The following DDI2 variants were observed in gnomAD, a reference collection of about 807,000 sequenced individuals.
DDI2 encodes DDI proteasomal shuttling factor 2.
Under a neutral mutation model 48.1 loss-of-function variants are expected in DDI2, and 5 were observed. That is an observed-to-expected ratio of 0.10 (90% CI 0.05 to 0.22). The LOEUF (loss-of-function observed/expected upper bound fraction) is 0.22, where lower values mean the gene tolerates loss of function less well. Among genes scored for constraint, DDI2 ranks in the 10% least tolerant of loss-of-function variants. The probability of loss-of-function intolerance (pLI) is 1.00; values close to 1 mark genes in which losing one functional copy is unlikely to be tolerated. For missense variants in DDI2, 285 were observed against 506.2 expected (o/e 0.56, Z 4.19); for synonymous variants, 205 against 183.6 (o/e 1.12, Z -0.94).
intron 8 of DDI2, among the ~76,000 whole-genome samples, chr1:15,653,268 A>ATTTAT (rs1031307657): frequency 1.4e-5 from 2 of 141,340 alleles, no homozygotes; most frequent in East Asian, 1.9e-4. Context: ...ATTTTATTTT[A>ATTTAT]TTTATTTTAT....
Position 15,660,171 on chromosome 1 carries a change from C to T in DDI2, c.*381C>T, listed in dbSNP as rs753063594. The T allele has an allele frequency of 6.8e-6, 11 of 1,614,172 alleles. No individual in the cohort carries two copies. Among genetic ancestry groups the T allele is most frequent in the Admixed American group, 5.0e-5 (3 of 60,020 alleles). On this transcript the variant is annotated 3_prime_UTR_variant, in exon 10 of 10. Transcript: ENST00000480945. Reference sequence around the variant, plus strand: ...CAGCTATGCCTATGCAGAATTCATCCGAAGAAATAACTGTTGCAGGTAATC... The same window carrying T: ...CAGCTATGCCTATGCAGAATTCATCTGAAGAAATAACTGTTGCAGGTAATC...
chr1:15,632,784 T>A (rs1286150168), intron 3 of DDI2, among the ~76,000 whole-genome samples: 1 of 151,868 alleles, frequency 6.6e-6, no homozygotes, highest in Admixed American at 6.6e-5. Context: ...ATGAGAACAA[T>A]GAGGAATGGA....
intron 3 of DDI2, among the ~76,000 whole-genome samples, chr1:15,631,696 C>A (rs559341497): frequency 1.4e-4 from 22 of 152,298 alleles, no homozygotes; most frequent in African/African-American, 4.8e-4. Context: ...TCTAGTCAAT[C>A]TCCTCTCCTT....
intron 1 of DDI2, among the ~76,000 whole-genome samples, chr1:15,625,376 G>A (rs550350193): frequency 1.3e-5 from 2 of 152,148 alleles, no homozygotes; most frequent in South Asian, 4.1e-4. Flanking sequence ...CAAAGCCTGA[G>A]TTTGTTCTGA....
chr1:15,654,877 A>T (rs72876740), intron 8 of DDI2, among the ~76,000 whole-genome samples: 1 of 151,642 alleles, frequency 6.6e-6, no homozygotes, highest in Non-Finnish European at 1.5e-5. Context: ...GGTGTAATTT[A>T]TCATCTTAGT....
At chr1:15,619,160 G>A (rs1040672484) in intron 1 of DDI2, among the ~76,000 whole-genome samples, 5 of 151,970 alleles carry the variant, frequency 3.3e-5, no homozygotes, top group Admixed American at 2.6e-4. Flanking sequence ...TTGCTCTGTC[G>A]CCCATGCTGG....
At chr1:15,627,848 T>G (rs1012733871) in intron 2 of DDI2, among the ~76,000 whole-genome samples, 5 of 152,192 alleles carry the variant, frequency 3.3e-5, no homozygotes, top group African/African-American at 9.6e-5. Flanking sequence ...AGTGTTTCCA[T>G]TCAGCCTGAA....
chr1:15,624,636 TA>T (rs201023391), intron 1 of DDI2, among the ~76,000 whole-genome samples: 99 of 151,778 alleles, frequency 6.5e-4, no homozygotes, highest in African/African-American at 2.1e-3. Flanking sequence ...GCTGGCTATT[TA>T]AAATTTTTTT....
At position 15,667,615 on chromosome 1, in the gene DDI2, G is replaced by A. The variant is rs998439178; in HGVS notation, c.*7825G>A. The A allele has an allele frequency of 1.3e-5, 2 of 152,254 alleles. No homozygotes were observed. The highest frequency in any genetic ancestry group is 6.5e-5 in the Admixed American group (1 of 15,290). The allele number at this position is 152,254 out of a possible 1,614,324, so 9.4% of individuals were successfully genotyped here. A position where few individuals can be genotyped will look rare whatever the true frequency, so the allele number is the denominator to read the frequency against. On this transcript the variant is annotated 3_prime_UTR_variant, in exon 10 of 10. Transcript: ENST00000480945. ...GTAATCAGCGATGGCTGGGATTGGT[G>A]GACAGGATTGACAGGAGTATTTGAG...
At chr1:15,630,705 CT>C (rs1639829456) in intron 3 of DDI2, 144 bp downstream of exon 3, 2 of 650,388 alleles carry the variant, frequency 3.1e-6, no homozygotes, top group East Asian at 5.3e-5. Flanking sequence ...TAAATTAGTG[CT>C]AAAGTCAAAG....
At chr1:15,619,787 T>TGTAATATAACCCTGGATA (rs1384494404) in intron 1 of DDI2, among the ~76,000 whole-genome samples, 1 of 152,148 alleles carries the variant, frequency 6.6e-6, no homozygotes, top group Non-Finnish European at 1.5e-5. Flanking sequence ...CTCTAGCTGT[T>TGTAATATAACCCTGGATA]ATATTACCCT....
Position 15,665,427 on chromosome 1 carries a change from ATG to A in DDI2, c.*5639_*5640del, listed in dbSNP as rs1640438700. Reference sequence around the variant, plus strand: ...AACCCTATGTGTTTTTTCCCAAAGCATGTCTCTAGCAAGAGGGTACATAGAAA... The same window carrying A: ...AACCCTATGTGTTTTTTCCCAAAGCATCTCTAGCAAGAGGGTACATAGAAA... On this transcript the variant is annotated 3_prime_UTR_variant, in exon 10 of 10. Transcript: ENST00000480945. 1 of 152,190 alleles carries A rather than the reference ATG, an allele frequency of 6.6e-6. No homozygotes were observed. The highest frequency in any genetic ancestry group is 2.4e-5 in the African/African-American group (1 of 41,438). 9.4% of individuals were successfully genotyped at this position (152,190 alleles called of 1,614,324 possible).
Position 15,660,800 on chromosome 1 carries a change from A to G in DDI2, c.*1010A>G, listed in dbSNP as rs1411527841. The G allele has an allele frequency of 1.2e-6, 2 of 1,614,160 alleles. No homozygotes were observed. Among genetic ancestry groups the G allele is most frequent in the South Asian group, 1.1e-5 (1 of 91,072 alleles). The stretch of plus-strand genomic sequence containing the variant: ...GATTCCATTTCCACTCAGGATTTAC[A>G]GCCCCCAGAAACTAATGTTGAAATA... On this transcript the variant is annotated 3_prime_UTR_variant, in exon 10 of 10. Transcript: ENST00000480945.
At chr1:15,653,473 A>G (rs573246050) in intron 8 of DDI2, among the ~76,000 whole-genome samples, 2 of 152,074 alleles carry the variant, frequency 1.3e-5, no homozygotes, top group South Asian at 2.1e-4. Flanking sequence ...TATCATTGCT[A>G]CTGTGTGTGA....
In DDI2 at chr1:15,660,734, T is replaced by G; in HGVS notation, c.*944T>G. On this transcript the variant is annotated 3_prime_UTR_variant, in exon 10 of 10. Transcript: ENST00000480945. ...ACTTTAGATAATCCCTTGATGGAAG[T>G]AGAAACATCAAAATGTAACCCTTCA... 1 of 1,613,882 alleles carries G rather than the reference T, an allele frequency of 6.2e-7. No individual in the cohort carries two copies. The highest frequency in any genetic ancestry group is 8.5e-7 in the Non-Finnish European group (1 of 1,179,962).
chr1:15,632,550 CA>C (rs1639861576), intron 3 of DDI2, among the ~76,000 whole-genome samples: 4 of 152,036 alleles, frequency 2.6e-5, no homozygotes, highest in African/African-American at 9.7e-5. Flanking sequence ...AAAGAAATTG[CA>C]AAATAGGTTC....
chr1:15,619,206 A>C (rs1052950371), intron 1 of DDI2, among the ~76,000 whole-genome samples: 2 of 150,902 alleles, frequency 1.3e-5, no homozygotes, highest in African/African-American at 4.9e-5. Context: ...CTGCAACCCC[A>C]GTCTCCCGGG....
In DDI2 at chr1:15,660,444, C is replaced by A. The variant is rs762203361; in HGVS notation, c.*654C>A. ...CACATGACCAAGAATATCTTTGTAA[C>A]ATAGGGGACCTTGAGCTTCCTGAAG... On this transcript the variant is annotated 3_prime_UTR_variant, in exon 10 of 10. Coordinates refer to ENST00000480945, the MANE Select transcript of DDI2 (RefSeq NM_032341.5). 6.2e-7 allele frequency: 1 copy of A among 1,614,086 alleles called. No individual in the cohort carries two copies.
rs201982829 is a variant in DDI2, at chr1:15,638,277, T to C, written c.633-30T>C. 3.1e-5 allele frequency: 50 copies of C among 1,612,500 alleles called. No individual in the cohort carries two copies. In the East Asian group the frequency reaches 1.1e-3, roughly 36 times the overall value. ...GATTTCTCTCCATGGAATTAATGCT[T>C]TCAGTGTCCCTGGTCTTGTTCTGTT... On this transcript the variant is annotated intron_variant, in intron 4 of 9. Coordinates refer to ENST00000480945, the MANE Select transcript of DDI2 (RefSeq NM_032341.5).
Sources: gnomAD v4.1 joint callset for allele counts (sites outside exome capture counted in the v4.1 genomes callset) on GRCh38, gnomAD v4.1.1 for gene constraint, MANE v1.5 for transcripts, NCBI Gene and HGNC (gene_info 2026-07-23, HGNC 2026-07-21) for gene names.